Variants in RPS6KA5 observed in about 807,000 individuals in gnomAD.
The protein encoded by RPS6KA5 is ribosomal protein S6 kinase alpha-5.
A neutral mutation model predicts 85.5 loss-of-function variants in RPS6KA5; 27 were observed. The ratio of observed to expected loss-of-function variants is 0.32; its 90% CI spans 0.23 to 0.44. The LOEUF (loss-of-function observed/expected upper bound fraction) is 0.44, where lower values mean the gene tolerates loss of function less well. Among genes scored for constraint, RPS6KA5 ranks in the 20% least tolerant of loss-of-function variants. RPS6KA5 has a pLI of 1.00. For synonymous variants in RPS6KA5, 334 were observed against 348.2 expected (o/e 0.96, Z 0.46); for missense variants, 811 against 980.9 (o/e 0.83, Z 2.31).
At chr14:90,959,188 C>T (rs2140413534) in intron 3 of RPS6KA5, among the ~76,000 whole-genome samples, 1 of 152,286 alleles carries the variant, frequency 6.6e-6, no homozygotes. Context: ...TGGACCTTTA[C>T]TGGAGCCGTA....
chr14:90,991,750 G>A (rs914866240), intron 2 of RPS6KA5, among the ~76,000 whole-genome samples: 4 of 143,520 alleles, frequency 2.8e-5, no homozygotes, highest in African/African-American at 1.0e-4. Flanking sequence ...AAAATAGATA[G>A]AGAAGAATCC....
chr14:90,975,773 A>C (rs1350550717), intron 3 of RPS6KA5, among the ~76,000 whole-genome samples: 1 of 152,370 alleles, frequency 6.6e-6, no homozygotes, highest in East Asian at 1.9e-4. Context: ...CCATTAAAAC[A>C]GTCTATGGTC....
intron 3 of RPS6KA5, among the ~76,000 whole-genome samples, chr14:90,969,476 A>C (rs571967598): frequency 3.9e-5 from 6 of 152,324 alleles, no homozygotes; most frequent in Admixed American, 2.6e-4. Flanking sequence ...ATTACTAAAA[A>C]CTACAGCCTA....
chr14:90,964,930 A>C (rs1408425915), intron 3 of RPS6KA5, among the ~76,000 whole-genome samples: 1 of 143,066 alleles, frequency 7.0e-6, no homozygotes, highest in Non-Finnish European at 1.5e-5. Context: ...AAAAAAAAAA[A>C]AAAAACCAAA....
chr14:90,900,909 A>G (rs1475980483), intron 9 of RPS6KA5, among the ~76,000 whole-genome samples, 173 bp from the exon 10 acceptor site: 1 of 152,206 alleles, frequency 6.6e-6, no homozygotes, highest in Non-Finnish European at 1.5e-5. Flanking sequence ...AATCATTTGA[A>G]AAATGCTGTT....
Position 90,864,485 on chromosome 14 carries a change from G to C in RPS6KA5, c.*7589C>G, listed in dbSNP as rs1254157235. Reference sequence around the variant, plus strand: ...ATAAGAATATCTTCATAACCTTGGTGTGAACATTTATTAAATACGACGCAA... The same window carrying C: ...ATAAGAATATCTTCATAACCTTGGTCTGAACATTTATTAAATACGACGCAA... On this transcript the variant is annotated 3_prime_UTR_variant, in exon 17 of 17. Transcript: ENST00000614987. The C allele has an allele frequency of 6.6e-6, 1 of 152,136 alleles. No homozygotes were observed. Among genetic ancestry groups the C allele is most frequent in the African/African-American group, 2.4e-5 (1 of 41,418 alleles). The allele number at this position is 152,136 out of a possible 1,614,324, so 9.4% of individuals were successfully genotyped here.
rs1215416072 is a variant in RPS6KA5 at position 90,902,850 on chromosome 14, A to G, written c.1077T>C (p.Tyr359=). 3.1e-6 allele frequency: 5 copies of G among 1,614,102 alleles called. No homozygotes were observed. Among genetic ancestry groups the G allele is most frequent in the Admixed American group, 1.7e-5 (1 of 60,018 alleles). The change falls in exon 9 of 17, where the codon TAT becomes TAC. Residue 359 remains tyrosine (Y), a synonymous_variant. Coordinates refer to ENST00000614987, the MANE Select transcript of RPS6KA5 (RefSeq NM_004755.4). ...AEEFTEMDPT[Y]SPAALPQSSE... is the part of the protein sequence containing the mutation. ...AACTCTGGGGCAGGGCTGCGGGAGA[A>G]TAAGTGGGATCCATTTCTGTGAACT...
At chr14:91,002,731 G>C (rs1223304879) in intron 1 of RPS6KA5, among the ~76,000 whole-genome samples, 1 of 152,052 alleles carries the variant, frequency 6.6e-6, no homozygotes, top group Non-Finnish European at 1.5e-5. Flanking sequence ...CCATATGTAC[G>C]TTGTTATGCA....
chr14:91,047,857 C>T (rs2042936279), intron 1 of RPS6KA5, among the ~76,000 whole-genome samples: 1 of 152,198 alleles, frequency 6.6e-6, no homozygotes, highest in South Asian at 2.1e-4. Context: ...GCCTCCCTTC[C>T]AGCAATGGCA....
rs2040914727 is a variant in RPS6KA5, at chr14:91,004,307, G to A, written c.104-3148C>T. On this transcript the variant is annotated intron_variant, in intron 1 of 16. Transcript: ENST00000614987. ...TCACCGTGTTAGATCTCCTGACCTC[G>A]TGATCCACCCGCCTCAGCTTCCCAA... Among the ~76,000 whole-genome samples, 3 of 151,986 alleles carry A rather than the reference G, an allele frequency of 2.0e-5. No homozygotes were observed. The South Asian group carries it at 6.2e-4, about 32-fold the overall frequency.
chr14:90,955,965 C>A (rs955203252), intron 3 of RPS6KA5, among the ~76,000 whole-genome samples: 1 of 152,058 alleles, frequency 6.6e-6, no homozygotes, highest in Admixed American at 6.6e-5. Context: ...ATTCAACCAA[C>A]CATGGGTCAA....
rs2032769989 is a variant in RPS6KA5, at chr14:90,865,580, T to G, written c.*6494A>C. 1 of 152,220 alleles carries G rather than the reference T, an allele frequency of 6.6e-6. No homozygotes were observed. Among genetic ancestry groups the G allele is most frequent in the African/African-American group, 2.4e-5 (1 of 41,448 alleles). 9.4% of individuals were successfully genotyped at this position (152,220 alleles called of 1,614,324 possible). On this transcript the variant is annotated 3_prime_UTR_variant, in exon 17 of 17. Coordinates refer to ENST00000614987, the MANE Select transcript of RPS6KA5 (RefSeq NM_004755.4). ...TATTGAGCTGTATATTTCAGACCTG[T>G]GCACTTTACACACCATGTTGCAATA... is the stretch of plus-strand genomic sequence containing the variant.
chr14:90,923,045 T>A, intron 6 of RPS6KA5, 68 bp downstream of exon 6: 1 of 1,162,624 alleles, frequency 8.6e-7, no homozygotes, highest in Non-Finnish European at 1.3e-6. Flanking sequence ...ATGACCTAAG[T>A]TGTTAACTAG....
chr14:90,887,615 T>C (rs553569311), intron 14 of RPS6KA5, among the ~76,000 whole-genome samples: 4 of 152,182 alleles, frequency 2.6e-5, no homozygotes, highest in Non-Finnish European at 4.4e-5. Context: ...ATACATAGTA[T>C]ATAAATTAGA....
intron 1 of RPS6KA5, chr14:91,060,081 T>C: frequency 1.0e-6 from 1 of 985,394 alleles, no homozygotes; most frequent in East Asian, 1.1e-4. Context: ...GGTCGGCGGC[T>C]GCGCTGGCCC....
In RPS6KA5 at chr14:90,863,115, C is replaced by G. The variant is rs770426117; in HGVS notation, c.*8959G>C. 4 of 151,274 alleles carry G rather than the reference C, an allele frequency of 2.6e-5. No individual in the cohort carries two copies. The highest frequency in any genetic ancestry group is 5.9e-5 in the Non-Finnish European group (4 of 67,826). The allele number at this position is 151,274 out of a possible 1,614,324, so 9.4% of individuals were successfully genotyped here. ...GTCAGGAATTCGAGGCCAGTCTGGC[C>G]AATATGGTGAAACCCCATCTCTACT... On this transcript the variant is annotated 3_prime_UTR_variant, in exon 17 of 17. Coordinates refer to ENST00000614987, the MANE Select transcript of RPS6KA5 (RefSeq NM_004755.4).
chr14:90,872,125 G>T lies in RPS6KA5; in HGVS notation c.2358C>A (p.Ala786=). The T allele has an allele frequency of 6.2e-7, 1 of 1,613,778 alleles. No individual in the cohort carries two copies. Among genetic ancestry groups the T allele is most frequent in the Non-Finnish European group, 8.5e-7 (1 of 1,179,934 alleles). ...AGAGGGTCTCCGGGTTATTGCTGTC[G>T]GCAGGATTGCTGGGCTGCAGTGTCT... ...PTKTLQPSNP[A]DSNNPETLFQ... Residue 786 remains alanine, a synonymous_variant, in exon 17 of 17, where the codon GCC becomes GCA. Transcript: ENST00000614987.
In RPS6KA5 at chr14:90,854,500, G is replaced by T. The variant is rs2032177993; in HGVS notation, c.*17574C>A. The stretch of plus-strand genomic sequence containing the variant: ...TTAAAGACTTGCGATTTTGCTAAAT[G>T]TATCATCATTAGAAAAAGTTTTCTG... On this transcript the variant is annotated 3_prime_UTR_variant, in exon 17 of 17. Coordinates refer to ENST00000614987, the MANE Select transcript of RPS6KA5 (RefSeq NM_004755.4). 1.3e-5 allele frequency: 2 copies of T among 152,114 alleles called. No individual in the cohort carries two copies. Among genetic ancestry groups the T allele is most frequent in the Non-Finnish European group, 2.9e-5 (2 of 68,008 alleles). 9.4% of individuals were successfully genotyped at this position (152,114 alleles called of 1,614,324 possible).
rs570645840 is a variant in RPS6KA5, at chr14:90,913,306, C to A, written c.806+6900G>T. On this transcript the variant is annotated intron_variant, in intron 7 of 16. Transcript: ENST00000614987. ...GCCATCTGAGAGGTGCACACTCCGGCCATTGCTTCTGGGACTGAAGGAAAA... is the reference window on the plus strand; with the variant it reads ...GCCATCTGAGAGGTGCACACTCCGGACATTGCTTCTGGGACTGAAGGAAAA... Among the ~76,000 whole-genome samples the A allele has an allele frequency of 7.1e-4, 108 of 152,212 alleles. 1 individual carries two copies. The Middle Eastern group carries it at 0.041, about 58-fold the overall frequency.
Sources: gnomAD v4.1 joint callset for allele counts (sites outside exome capture counted in the v4.1 genomes callset) on GRCh38, gnomAD v4.1.1 for gene constraint, MANE v1.5 for transcripts, NCBI Gene and HGNC (gene_info 2026-07-23, HGNC 2026-07-21) for gene names.